B3GALT1: variants seen among roughly 807,000 people sequenced by gnomAD.
The protein encoded by B3GALT1 is beta-1,3-galactosyltransferase 1.
A neutral mutation model predicts 23.2 loss-of-function variants in B3GALT1; 10 were observed. The observed-to-expected ratio is 0.43, with a 90% CI of 0.27 to 0.73. The LOEUF is 0.73. Among genes scored for constraint, B3GALT1 ranks in the 30% least tolerant of loss-of-function variants. B3GALT1 has a pLI of 0.21. For missense variants in B3GALT1, 299 were observed against 405.4 expected, an observed-to-expected ratio of 0.74 and a Z score of 2.25; for synonymous variants, 156 against 141.5, an observed-to-expected ratio of 1.10 and a Z score of -0.73.
chr2:167,659,276 T>G (rs1030829885), intron 3 of B3GALT1, among the ~76,000 whole-genome samples: 2 of 152,042 alleles, frequency 1.3e-5, no homozygotes, highest in East Asian at 3.9e-4. Flanking sequence ...TGTAATTAAT[T>G]TTTTAAATTG....
chr2:167,382,689 C>T lies in B3GALT1; in HGVS notation c.-511+89355C>T, dbSNP rs138115013. On this transcript the variant is annotated intron_variant, in intron 1 of 4. Transcript: ENST00000392690. ...GTGAATACGGCATATAGAAACCTAG[C>T]CAAGTTTTCTTTATTGGTGAAATGA... is the stretch of plus-strand genomic sequence containing the variant. 1.8e-3 allele frequency among the ~76,000 whole-genome samples: 267 copies of T among 152,242 alleles called. 3 individuals are homozygous for T. Among genetic ancestry groups the T allele is most frequent in the African/African-American group, 6.1e-3 (253 of 41,560 alleles).
intron 1 of B3GALT1, among the ~76,000 whole-genome samples, chr2:167,445,418 G>C (rs535159405): frequency 9.6e-4 from 146 of 152,146 alleles, no homozygotes; most frequent in Non-Finnish European, 1.8e-3. Context: ...CCTGGATATC[G>C]TTGTTAACTT....
At chr2:167,779,974 A>T (rs916110784) in intron 3 of B3GALT1, among the ~76,000 whole-genome samples, 1 of 152,238 alleles carries the variant, frequency 6.6e-6, no homozygotes, top group Admixed American at 6.5e-5. Context: ...CAAAATGTCA[A>T]TGTGAATGTT....
intron 1 of B3GALT1, among the ~76,000 whole-genome samples, chr2:167,366,696 C>G (rs1447635613): frequency 6.6e-6 from 1 of 152,188 alleles, no homozygotes; most frequent in Non-Finnish European, 1.5e-5. Context: ...CTCATCTCTG[C>G]TTCGTGGAGT....
chr2:167,515,127 A>T (rs1363773676), intron 2 of B3GALT1, among the ~76,000 whole-genome samples: 1 of 152,140 alleles, frequency 6.6e-6, no homozygotes, highest in East Asian at 1.9e-4. Context: ...ATCTTCAATG[A>T]TATAGCATTT....
At chr2:167,328,279 A>C (rs1490266546) in intron 1 of B3GALT1, among the ~76,000 whole-genome samples, 2 of 152,164 alleles carry the variant, frequency 1.3e-5, no homozygotes, top group African/African-American at 4.8e-5. Flanking sequence ...TTTTTGGGAA[A>C]AGTTTAGAGA....
chr2:167,828,448 T>C (rs939728179), intron 4 of B3GALT1, among the ~76,000 whole-genome samples: 8 of 152,194 alleles, frequency 5.3e-5, no homozygotes, highest in African/African-American at 1.9e-4. Context: ...GCAGAGGTCA[T>C]AGAGTGGATG....
chr2:167,493,745 T>C (rs1170365395), intron 2 of B3GALT1, among the ~76,000 whole-genome samples: 1 of 152,154 alleles, frequency 6.6e-6, no homozygotes, highest in Non-Finnish European at 1.5e-5. Context: ...ATGCTGCAGA[T>C]TTGCTGATGA....
intron 1 of B3GALT1, among the ~76,000 whole-genome samples, chr2:167,301,540 A>ATGTT (rs913950757): frequency 6.6e-5 from 10 of 151,948 alleles, no homozygotes; most frequent in South Asian, 6.2e-4. Context: ...CACATTCTTT[A>ATGTT]TGTTTGTTTG....
chr2:167,737,875 G>A (rs1687517344), intron 3 of B3GALT1, among the ~76,000 whole-genome samples: 1 of 152,144 alleles, frequency 6.6e-6, no homozygotes, highest in African/African-American at 2.4e-5. Context: ...TCTAGCATAG[G>A]CCAGAAAAAC....
At chr2:167,735,349 G>A (rs773553282) in intron 3 of B3GALT1, among the ~76,000 whole-genome samples, 9 of 152,148 alleles carry the variant, frequency 5.9e-5, no homozygotes, top group African/African-American at 1.2e-4. Flanking sequence ...ACTAACTCCA[G>A]CATTTGGCAG....
intron 4 of B3GALT1, among the ~76,000 whole-genome samples, chr2:167,851,467 C>A (rs1689885705): frequency 6.6e-6 from 1 of 152,134 alleles, no homozygotes; most frequent in Non-Finnish European, 1.5e-5. Context: ...TGAGTAAAAA[C>A]AAAAATCTGT....
chr2:167,474,671 C>G (rs1429621540), intron 1 of B3GALT1, among the ~76,000 whole-genome samples: 1 of 152,116 alleles, frequency 6.6e-6, no homozygotes, highest in Non-Finnish European at 1.5e-5. Flanking sequence ...CTGCAGTTAT[C>G]TCTGACACCA....
At chr2:167,553,305 T>A (rs1683781863) in intron 2 of B3GALT1, among the ~76,000 whole-genome samples, 1 of 152,182 alleles carries the variant, frequency 6.6e-6, no homozygotes, top group Admixed American at 6.5e-5. Flanking sequence ...CATAGCCAAA[T>A]TGACTCTGAT....
chr2:167,638,921 G>A (rs1399474084), intron 2 of B3GALT1, among the ~76,000 whole-genome samples: 1 of 151,892 alleles, frequency 6.6e-6, no homozygotes, highest in East Asian at 1.9e-4. Context: ...TACTTTTCTG[G>A]TCCTTAATTT....
intron 1 of B3GALT1, among the ~76,000 whole-genome samples, chr2:167,437,718 A>AT (rs1490830743): frequency 6.6e-6 from 1 of 152,088 alleles, no homozygotes; most frequent in African/African-American, 2.4e-5. Flanking sequence ...AGCAATGCAT[A>AT]TTTTTTCTAG....
chr2:167,518,019 T>TACA lies in B3GALT1; in HGVS notation c.-410+27759_-410+27761dup, dbSNP rs368748683. On this transcript the variant is annotated intron_variant, in intron 2 of 4. Transcript: ENST00000392690. ...GCCATGAGATTTCCTGGTCTAAATT[T>TACA]ACAACAACAACAACAACAAAAAAAA... Among the ~76,000 whole-genome samples, 498 of 151,902 alleles carry TACA rather than the reference T, an allele frequency of 3.3e-3. 14 individuals are homozygous for TACA. In the East Asian group the frequency reaches 0.066, roughly 20 times the overall value.
At chr2:167,428,656 T>C (rs1227684519) in intron 1 of B3GALT1, among the ~76,000 whole-genome samples, 5 of 151,896 alleles carry the variant, frequency 3.3e-5, no homozygotes, top group Non-Finnish European at 7.4e-5. Context: ...CTAGCCTGGG[T>C]GACAGAGCGA....
chr2:167,736,307 G>A (rs781102909), intron 3 of B3GALT1, among the ~76,000 whole-genome samples: 25 of 152,122 alleles, frequency 1.6e-4, no homozygotes, highest in Non-Finnish European at 3.5e-4. Context: ...TTCAAAAATA[G>A]CATTTCAGTG....
Sources: gnomAD v4.1 joint callset for allele counts (sites outside exome capture counted in the v4.1 genomes callset) on GRCh38, gnomAD v4.1.1 for gene constraint, MANE v1.5 for transcripts, NCBI Gene and HGNC (gene_info 2026-07-23, HGNC 2026-07-21) for gene names.